Variants in TPD52 observed in about 807,000 individuals in gnomAD.
TPD52 encodes the protein prostate and colon associated protein.
TPD52 carries 17 observed loss-of-function variants against 31.3 expected under a neutral mutation model. The ratio of observed to expected loss-of-function variants is 0.54; its 90% CI spans 0.37 to 0.82. The LOEUF is 0.82. TPD52 is among the 40% of genes least tolerant of loss of function. The probability of loss-of-function intolerance (pLI) is 0.00; values close to 1 mark genes in which losing one functional copy is unlikely to be tolerated. For synonymous variants in TPD52, 83 were observed against 89.6 expected, an observed-to-expected ratio of 0.93 and a Z score of 0.42; for missense variants, 212 against 240.1, an observed-to-expected ratio of 0.88 and a Z score of 0.77.
At chr8:80,148,083 C>T (rs1028989683) in intron 1 of TPD52, among the ~76,000 whole-genome samples, 9 of 152,100 alleles carry the variant, frequency 5.9e-5, no homozygotes, top group African/African-American at 1.9e-4. Context: ...CCTACTATTG[C>T]TGTAAGTCAG....
intron 1 of TPD52, among the ~76,000 whole-genome samples, chr8:80,103,099 T>C (rs1465506): frequency 0.67 from 101,274 of 151,726 alleles, 35,215 homozygotes; most frequent in African/African-American, 0.88. Flanking sequence ...AATGGGTAAA[T>C]ATCAGAAAAG....
intron 1 of TPD52, among the ~76,000 whole-genome samples, chr8:80,141,545 C>T (rs571454339): frequency 6.6e-6 from 1 of 152,170 alleles, no homozygotes; most frequent in Admixed American, 6.5e-5. Context: ...AACTCTACTG[C>T]GACCTCATGG....
At chr8:80,034,030 A>T (rs761077001), downstream of TPD52, among the ~76,000 whole-genome samples, 2 of 151,712 alleles carry the variant, frequency 1.3e-5, no homozygotes, top group Non-Finnish European at 2.9e-5. Flanking sequence ...TCAACATGCC[A>T]TCCAGAGCAC....
At chr8:80,115,197 C>T (rs369734963) in intron 1 of TPD52, among the ~76,000 whole-genome samples, 6 of 152,106 alleles carry the variant, frequency 3.9e-5, no homozygotes, top group African/African-American at 1.2e-4. Flanking sequence ...AAGCCCAGGC[C>T]GACTGGAGAG....
At chr8:80,151,475 C>CA (rs1419590048) in intron 1 of TPD52, among the ~76,000 whole-genome samples, 7 of 152,194 alleles carry the variant, frequency 4.6e-5, no homozygotes, top group Non-Finnish European at 1.0e-4. Flanking sequence ...TAAGCTCCTG[C>CA]ACTAGGACCC....
chr8:80,034,841 T>C lies in TPD52; in HGVS notation c.*3275A>G, dbSNP rs906382241. The C allele has an allele frequency of 6.6e-6, 1 of 152,134 alleles. No individual in the cohort carries two copies. Among genetic ancestry groups the C allele is most frequent in the Non-Finnish European group, 1.5e-5 (1 of 68,012 alleles). The allele number at this position is 152,134 out of a possible 1,614,324, so 9.4% of individuals were successfully genotyped here. A position where few individuals can be genotyped will look rare whatever the true frequency, so the allele number is the denominator to read the frequency against. ...AAACTACCAACCAACCTCAGTAACA[T>C]CAAAATTACATGAGAGCTGGCAAGA... On this transcript the variant is annotated 3_prime_UTR_variant, in exon 8 of 8. Transcript: ENST00000518937.
Position 80,037,836 on chromosome 8 carries a change from C to A in TPD52, c.*280G>T. On this transcript the variant is annotated 3_prime_UTR_variant, in exon 8 of 8. Transcript: ENST00000518937. ...GGAAAACAACTATGACAATCTGTAG[C>A]TTCTTAGATCATTATAGTGAATGTC... The A allele has an allele frequency of 3.7e-6, 1 of 266,816 alleles. No homozygotes were observed. The highest frequency in any genetic ancestry group is 6.9e-5 in the East Asian group (1 of 14,454). 16.5% of individuals were successfully genotyped at this position (266,816 alleles called of 1,614,324 possible).
chr8:80,062,877 G>A, intron 2 of TPD52, among the ~76,000 whole-genome samples: 1 of 152,120 alleles, frequency 6.6e-6, no homozygotes, highest in East Asian at 1.9e-4. Flanking sequence ...GCTGAGGCAG[G>A]AGGATTGCTT....
At chr8:80,110,068 T>C (rs1807397853) in intron 1 of TPD52, among the ~76,000 whole-genome samples, 2 of 152,158 alleles carry the variant, frequency 1.3e-5, no homozygotes, top group Admixed American at 6.5e-5. Flanking sequence ...ACCAGGAAAA[T>C]ATGCTTAGAG....
At chr8:80,056,466 A>G (rs372638038) in intron 2 of TPD52, among the ~76,000 whole-genome samples, 5 of 152,204 alleles carry the variant, frequency 3.3e-5, no homozygotes, top group African/African-American at 1.2e-4. Context: ...TACATACCTA[A>G]TAAGAGTCTA....
At chr8:80,041,361 T>G (rs1284301532) in intron 7 of TPD52, among the ~76,000 whole-genome samples, 1 of 152,240 alleles carries the variant, frequency 6.6e-6, no homozygotes, top group Non-Finnish European at 1.5e-5. Flanking sequence ...TACCCTGCTT[T>G]TAAAGATGCA....
intron 1 of TPD52, among the ~76,000 whole-genome samples, chr8:80,154,754 A>AC (rs1586409682): frequency 1.3e-5 from 2 of 148,232 alleles, no homozygotes; most frequent in East Asian, 3.9e-4. Context: ...CACACACACA[A>AC]AACACCTACA....
intron 1 of TPD52, among the ~76,000 whole-genome samples, chr8:80,129,703 CTTT>C (rs5892709): frequency 1.5e-5 from 2 of 130,090 alleles, no homozygotes. Context: ...ACTCTCATTT[CTTT>C]TTTTTTTTTT....
chr8:80,147,018 A>G (rs2131174050), intron 1 of TPD52, among the ~76,000 whole-genome samples: 1 of 152,312 alleles, frequency 6.6e-6, no homozygotes, highest in Admixed American at 6.5e-5. Flanking sequence ...GGGTGGGGTC[A>G]GCAGTCTGTT....
intron 1 of TPD52, among the ~76,000 whole-genome samples, chr8:80,144,169 A>T (rs1211900785): frequency 1.3e-5 from 2 of 152,158 alleles, no homozygotes; most frequent in East Asian, 3.8e-4. Context: ...AATTTGTGTA[A>T]TATTTTGTAA....
intron 2 of TPD52, among the ~76,000 whole-genome samples, chr8:80,059,931 A>C (rs565313757): frequency 7.9e-5 from 12 of 152,050 alleles, no homozygotes; most frequent in African/African-American, 2.9e-4. Context: ...AAATACAAAA[A>C]TTAGTCAGGC....
intron 1 of TPD52, among the ~76,000 whole-genome samples, chr8:80,129,105 T>C (rs567462394): frequency 5.9e-5 from 9 of 152,308 alleles, no homozygotes; most frequent in African/African-American, 1.9e-4. Context: ...TCAAGCTTGA[T>C]ACTTCCTAGT....
intron 1 of TPD52, among the ~76,000 whole-genome samples, chr8:80,156,906 G>A (rs1305807461): frequency 6.6e-6 from 1 of 152,048 alleles, no homozygotes; most frequent in East Asian, 1.9e-4. Context: ...GGGTGGGGTG[G>A]AGAAGAATGG....
chr8:80,158,901 G>A (rs1480833611), intron 1 of TPD52: 2 of 120,838 alleles, frequency 1.7e-5, no homozygotes, highest in South Asian at 2.8e-4. Context: ...CCGAGATCCC[G>A]CCACTGCACT....
Sources: gnomAD v4.1 joint callset for allele counts (sites outside exome capture counted in the v4.1 genomes callset) on GRCh38, gnomAD v4.1.1 for gene constraint, MANE v1.5 for transcripts, NCBI Gene and HGNC (gene_info 2026-07-23, HGNC 2026-07-21) for gene names.